The following NOS1AP variants were observed in gnomAD, a reference collection of about 807,000 sequenced individuals.
NOS1AP encodes nitric oxide synthase 1 adaptor protein, also known as carboxyl-terminal PDZ ligand of neuronal nitric oxide synthase protein.
NOS1AP carries 21 observed loss-of-function variants against 56.2 expected under a neutral mutation model. The ratio of observed to expected loss-of-function variants is 0.37; its 90% CI spans 0.26 to 0.54. The LOEUF (loss-of-function observed/expected upper bound fraction) is 0.54. Ranked by LOEUF, NOS1AP falls within the 20% of genes least tolerant of loss-of-function variation. The pLI is 0.84. For synonymous variants in NOS1AP, 270 were observed against 274.6 expected, an observed-to-expected ratio of 0.98 and a Z score of 0.17; for missense variants, 522 against 657.8, an observed-to-expected ratio of 0.79 and a Z score of 2.26.
chr1:162,364,963 A>C (rs1658019590), intron 8 of NOS1AP: 1 of 1,031,064 alleles, frequency 9.7e-7, no homozygotes, highest in South Asian at 3.9e-5. Context: ...TGTTTTTTAG[A>C]AGACAGGATG....
intron 2 of NOS1AP, among the ~76,000 whole-genome samples, chr1:162,231,329 G>T (rs181178323): frequency 9.2e-5 from 14 of 152,182 alleles, no homozygotes; most frequent in Middle Eastern, 3.4e-3. Flanking sequence ...TTTAAAATTG[G>T]CTTATTTGGC....
In NOS1AP at chr1:162,356,953, C is replaced by T. The variant is rs372783837; in HGVS notation, c.763-7C>T. On this transcript the variant is annotated splice_polypyrimidine_tract_variant and splice_region_variant and intron_variant, in intron 7 of 9. Coordinates refer to ENST00000361897, the MANE Select transcript of NOS1AP (RefSeq NM_014697.3). ...ATGTCATGTCCTGTCTTCTCCTTCT[C>T]CTCCAGGTTTCGCACCCCCAGGAGC... 6.2e-6 allele frequency: 10 copies of T among 1,613,964 alleles called. No individual in the cohort carries two copies. In the African/African-American group the frequency reaches 8.0e-5, roughly 13 times the overall value.
chr1:162,146,720 A>T (rs890770018), intron 1 of NOS1AP, among the ~76,000 whole-genome samples: 1 of 152,188 alleles, frequency 6.6e-6, no homozygotes, highest in Admixed American at 6.5e-5. Context: ...TAAACAATAG[A>T]CTTTATTTTT....
chr1:162,129,460 C>T (rs56712330), intron 1 of NOS1AP, among the ~76,000 whole-genome samples: 1 of 152,136 alleles, frequency 6.6e-6, no homozygotes, highest in African/African-American at 2.4e-5. Context: ...CTACCTCTCA[C>T]GTTTTCCCTG....
At chr1:162,131,120 A>G (rs1364656155) in intron 1 of NOS1AP, among the ~76,000 whole-genome samples, 1 of 152,176 alleles carries the variant, frequency 6.6e-6, no homozygotes, top group African/African-American at 2.4e-5. Flanking sequence ...GACCCTTTAG[A>G]ACTACTGCGT....
intron 3 of NOS1AP, among the ~76,000 whole-genome samples, chr1:162,296,471 T>C (rs1331254541): frequency 6.6e-6 from 1 of 152,190 alleles, no homozygotes; most frequent in East Asian, 1.9e-4. Flanking sequence ...TAATGAGCTC[T>C]TCAGAAAAGG....
chr1:162,124,500 TGTGTGTG>T (rs1326969294), intron 1 of NOS1AP, among the ~76,000 whole-genome samples: 3 of 54 alleles, frequency 0.056, no homozygotes, highest in African/African-American at 0.14. Context: ...GGTGTGTGTG[TGTGTGTG>T]ACACACACAC....
At chr1:162,148,354 G>A (rs1649570093) in intron 1 of NOS1AP, among the ~76,000 whole-genome samples, 1 of 152,344 alleles carries the variant, frequency 6.6e-6, no homozygotes, top group South Asian at 2.1e-4. Flanking sequence ...GCATGTTTTA[G>A]CTGTGTGTTC....
chr1:162,353,499 G>C (rs1657591688), intron 6 of NOS1AP, among the ~76,000 whole-genome samples: 2 of 152,182 alleles, frequency 1.3e-5, no homozygotes, highest in African/African-American at 4.8e-5. Flanking sequence ...TAGATAAGCA[G>C]CCTTCTCCTG....
intron 3 of NOS1AP, among the ~76,000 whole-genome samples, chr1:162,290,867 C>T (rs1248376855): frequency 6.6e-6 from 1 of 152,190 alleles, no homozygotes; most frequent in African/African-American, 2.4e-5. Context: ...GTTATTTTGC[C>T]TCTCTCAGCT....
At chr1:162,343,723 T>A in intron 5 of NOS1AP, 112 bp from the exon 6 acceptor site, 1 of 1,256,650 alleles carries the variant, frequency 8.0e-7, no homozygotes, top group South Asian at 1.2e-5. Context: ...TATGTGCATA[T>A]CTGAACAACT....
chr1:162,269,018 C>T (rs1226772339), intron 2 of NOS1AP, among the ~76,000 whole-genome samples: 1 of 152,152 alleles, frequency 6.6e-6, no homozygotes, highest in Admixed American at 6.5e-5. Flanking sequence ...ACTGAATAAT[C>T]ACCACAATGA....
At chr1:162,093,345 G>A (rs1692173573) in intron 1 of NOS1AP, among the ~76,000 whole-genome samples, 1 of 152,206 alleles carries the variant, frequency 6.6e-6, no homozygotes, top group Admixed American at 6.5e-5. Context: ...AGTGTTGGCT[G>A]CAAGGGTCAT....
At chr1:162,305,012 CTGAAG>C (rs760863566) in intron 4 of NOS1AP, among the ~76,000 whole-genome samples, 1 of 152,056 alleles carries the variant, frequency 6.6e-6, no homozygotes, top group Non-Finnish European at 1.5e-5. Flanking sequence ...CGCTGGCTTA[CTGAAG>C]TGTTCATTTT....
chr1:162,279,236 C>T (rs990457569), intron 2 of NOS1AP, among the ~76,000 whole-genome samples: 1 of 152,248 alleles, frequency 6.6e-6, no homozygotes, highest in South Asian at 2.1e-4. Context: ...TTCAGCTACC[C>T]GTGACCTGTC....
chr1:162,130,598 T>A (rs1473397291), intron 1 of NOS1AP, among the ~76,000 whole-genome samples: 3 of 152,192 alleles, frequency 2.0e-5, no homozygotes, highest in Admixed American at 6.5e-5. Context: ...CTGCTGAGGT[T>A]CCCATCAGAG....
chr1:162,150,053 G>A (rs753965015), intron 1 of NOS1AP, among the ~76,000 whole-genome samples: 2 of 151,814 alleles, frequency 1.3e-5, no homozygotes, highest in Non-Finnish European at 2.9e-5. Flanking sequence ...TCATCCTATT[G>A]TGGTATCAAA....
chr1:162,090,851 A>G (rs2102022396), intron 1 of NOS1AP, among the ~76,000 whole-genome samples: 1 of 152,098 alleles, frequency 6.6e-6, no homozygotes, highest in East Asian at 1.9e-4. Flanking sequence ...ATTTAAAAAT[A>G]TGTCTTTTTG....
chr1:162,365,824 C>T (rs531928871), intron 9 of NOS1AP, among the ~76,000 whole-genome samples: 6 of 152,266 alleles, frequency 3.9e-5, no homozygotes, highest in African/African-American at 1.2e-4. Context: ...CTGCTATGTG[C>T]TCATCCAGTC....
Sources: allele counts gnomAD v4.1 joint callset (sites outside exome capture counted in the v4.1 genomes callset), GRCh38; gene constraint gnomAD v4.1.1; transcripts MANE v1.5; gene names NCBI Gene and HGNC (gene_info 2026-07-23, HGNC 2026-07-21).